COL2A1: variants seen among roughly 807,000 people sequenced by gnomAD.
The protein encoded by COL2A1 is collagen alpha-1(II) chain.
In COL2A1, 28 loss-of-function variants were observed where a neutral mutation model predicts 204.5. The ratio of observed to expected loss-of-function variants is 0.14; its 90% CI spans 0.10 to 0.19. The LOEUF is 0.19. Ranked by LOEUF, COL2A1 falls within the 10% of genes least tolerant of loss-of-function variation. The pLI is 1.00. For missense variants in COL2A1, 1,388 were observed against 2,027.5 expected (o/e 0.68, Z 6.06); for synonymous variants, 708 against 718.7 (o/e 0.99, Z 0.24).
intron 40 of COL2A1, among the ~76,000 whole-genome samples, 199 bp from the exon 41 acceptor site, chr12:47,979,763 G>A (rs1231277446): frequency 2.0e-5 from 3 of 152,184 alleles, no homozygotes; most frequent in Admixed American, 6.5e-5. Flanking sequence ...CCCTGCCTCC[G>A]GTTTCCACAG....
At position 47,977,561 on chromosome 12, in the gene COL2A1, C is replaced by G. The variant is rs41272043; in HGVS notation, c.3165+39G>C. 9.2e-4 allele frequency: 1,488 copies of G among 1,613,062 alleles called. 12 individuals carry two copies. In the African/African-American group the frequency reaches 0.017, roughly 19 times the overall value. On this transcript the variant is annotated intron_variant, in intron 45 of 53. Transcript: ENST00000380518. ...GACCTGTCAGGCCCGAGGCAATGTC[C>G]TCCCCAACCCACTGCACACACAGAC... is the stretch of plus-strand genomic sequence containing the variant.
intron 12 of COL2A1, 43 bp downstream of exon 12, chr12:47,994,381 G>A (rs1399397126): frequency 6.2e-7 from 1 of 1,610,140 alleles, no homozygotes; most frequent in Non-Finnish European, 8.5e-7. Context: ...CAGGGAGGGA[G>A]ACGCTAGGAA....
In COL2A1 at chr12:47,986,265, G is replaced by A. The variant is rs572965699; in HGVS notation, c.1527+71C>T. ...AAGTCACGAGACTTGACCAGAACAC[G>A]GACCACAAGGACTCCACTTCCCTCT... On this transcript the variant is annotated intron_variant, in intron 23 of 53. Transcript: ENST00000380518. 88 of 1,038,206 alleles carry A rather than the reference G, an allele frequency of 8.5e-5. 1 individual carries two copies. Among genetic ancestry groups the A allele is most frequent in the South Asian group, 7.4e-4 (55 of 73,964 alleles). 64.3% of individuals were successfully genotyped at this position (1,038,206 alleles called of 1,614,324 possible).
chr12:47,981,881 C>T lies in COL2A1; in HGVS notation c.2356-52G>A, dbSNP rs369418329. 1,347 of 1,539,858 alleles carry T rather than the reference C, an allele frequency of 8.7e-4. 2 individuals carry two copies. The highest frequency in any genetic ancestry group is 1.0e-3 in the Non-Finnish European group (1,131 of 1,134,834). On this transcript the variant is annotated intron_variant, in intron 35 of 53. Transcript: ENST00000380518. ...GGAGGCAGGCTGAGCCAGCCGAGCA[C>T]GTGCGGCCCGGCACCAAGCCAACCT...
At position 47,975,317 on chromosome 12, in the gene COL2A1, C is replaced by G. The variant is rs546672421; in HGVS notation, c.3886G>C (p.Gly1296Arg). Reference protein sequence around the residue: ...LKLCHPEWKSGDYWIDPNQGC... With the variant: ...LKLCHPEWKSRDYWIDPNQGC... Reference sequence around the variant, plus strand: ...AGGGGATCCTGTTCTCCAAGCTTACCACTCTTCCACTCAGGGTGGCAGAGT... The same window carrying G: ...AGGGGATCCTGTTCTCCAAGCTTACGACTCTTCCACTCAGGGTGGCAGAGT... The change falls in exon 51 of 54, where the codon GGA (glycine) becomes CGA (arginine). Residue 1296 changes from glycine to arginine, a missense_variant and splice_region_variant. Coordinates refer to ENST00000380518, the MANE Select transcript of COL2A1 (RefSeq NM_001844.5). 4.1e-5 allele frequency: 66 copies of G among 1,613,732 alleles called. 1 individual carries two copies. In the South Asian group the frequency reaches 7.2e-4, roughly 18 times the overall value.
At chr12:47,984,878 G>C (rs370717299) in intron 27 of COL2A1, 117 bp downstream of exon 27, 9 of 897,580 alleles carry the variant, frequency 1.0e-5, no homozygotes, top group Admixed American at 1.0e-4. Context: ...TGGCACAGGA[G>C]CCCCACTCAT....
intron 35 of COL2A1, 134 bp downstream of exon 35, chr12:47,981,973 C>T (rs963989731): frequency 7.9e-7 from 1 of 1,270,748 alleles, no homozygotes; most frequent in African/African-American, 1.5e-5. Flanking sequence ...CAGAGAAGTC[C>T]CTGCAGTTGC....
intron 3 of COL2A1, 35 bp from the exon 4 acceptor site, chr12:47,998,236 T>A (rs1203478710): frequency 6.2e-6 from 10 of 1,613,762 alleles, no homozygotes; most frequent in Non-Finnish European, 6.8e-6. Context: ...TTAAGCCGAG[T>A]AAGCCCACTA....
Position 47,974,788 on chromosome 12 carries a change from C to T in COL2A1, c.3961G>A (p.Glu1321Lys), listed in dbSNP as rs748248022. 5.0e-6 allele frequency: 8 copies of T among 1,614,060 alleles called. No individual in the cohort carries two copies. The highest frequency in any genetic ancestry group is 4.0e-5 in the African/African-American group (3 of 74,930). The change falls in exon 52 of 54, where the codon GAG (glutamate) becomes AAG (lysine). Residue 1321 changes from glutamate (E) to lysine (K), a missense_variant. By Grantham distance (56) the Glu-to-Lys change is moderately conservative (BLOSUM62 1). Around this residue, in one of 3 missense-constraint regions of COL2A1, gnomAD observed 303 missense variants for 369.2 expected, o/e 0.82. Transcript: ENST00000380518. ...GCTGGATTGGGGTAGACGCAAGTCT[C>T]GCCAGTCTCCATGTTGCAGAAAACC... ...MKVFCNMETG[E>K]TCVYPNPANV...
In COL2A1 at chr12:47,974,802, T is replaced by C; in HGVS notation, c.3947A>G (p.Asn1316Ser). 2.5e-6 allele frequency: 4 copies of C among 1,614,230 alleles called. No homozygotes were observed. Among genetic ancestry groups the C allele is most frequent in the Non-Finnish European group, 3.4e-6 (4 of 1,180,038 alleles). The change falls in exon 52 of 54, where the codon AAC becomes AGC. Residue 1316 changes from asparagine to serine, a missense_variant. Physicochemically the swap from Asn to Ser is conservative, Grantham distance 46 (BLOSUM62 1). Coordinates refer to ENST00000380518, the MANE Select transcript of COL2A1 (RefSeq NM_001844.5). ...CTLDAMKVFC[N>S]METGETCVYP... is the part of the protein sequence containing the mutation. ...GACGCAAGTCTCGCCAGTCTCCATG[T>C]TGCAGAAAACCTTCATGGCGTCCAA... is the stretch of plus-strand genomic sequence containing the variant.
chr12:47,980,934 G>A lies in COL2A1; in HGVS notation c.2498C>T (p.Ala833Val), dbSNP rs1375464902. The change falls in exon 38 of 54, where the codon GCG becomes GTG. Residue 833 changes from alanine to valine, a missense_variant. Around this residue, in one of 3 missense-constraint regions of COL2A1, gnomAD observed 884 missense variants for 1,415.8 expected, o/e 0.62. Coordinates refer to ENST00000380518, the MANE Select transcript of COL2A1 (RefSeq NM_001844.5). The surrounding 1 kb of genome is among the most constrained non-coding windows in gnomAD (Gnocchi z 4.5). ...ACTCACAGGAGGCCCAGCAAATCCC[G>A]CTGGTCCGGGGGGCCCAGTCTCTCC... is the stretch of plus-strand genomic sequence containing the variant. ...ERGETGPPGP[A>V]GFAGPPGADG... 2.4e-5 allele frequency: 38 copies of A among 1,552,440 alleles called. No homozygotes were observed. Among genetic ancestry groups the A allele is most frequent in the Non-Finnish European group, 2.8e-5 (32 of 1,147,670 alleles).
chr12:47,984,042 G>C, intron 29 of COL2A1, 45 bp downstream of exon 29: 1 of 1,558,958 alleles, frequency 6.4e-7, no homozygotes. Context: ...ACCCCTCCCA[G>C]CCCCTGCCCC....
At position 47,980,454 on chromosome 12, in the gene COL2A1, G is replaced by T; in HGVS notation, c.2625+100C>A. On this transcript the variant is annotated intron_variant, in intron 39 of 53. Transcript: ENST00000380518. The surrounding 1 kb of genome is among the most constrained non-coding windows in gnomAD (Gnocchi z 4.5). The stretch of plus-strand genomic sequence containing the variant: ...TCTACCAACATGGGGGTGTTCCCAG[G>T]CCTGCGAACCATCCTCTGCGCAGCC... The T allele has an allele frequency of 1.8e-6, 2 of 1,088,900 alleles. No individual in the cohort carries two copies. Among genetic ancestry groups the T allele is most frequent in the Non-Finnish European group, 2.8e-6 (2 of 726,204 alleles). 67.5% of individuals were successfully genotyped at this position (1,088,900 alleles called of 1,614,324 possible). A position where few individuals can be genotyped will look rare whatever the true frequency, so the allele number is the denominator to read the frequency against.
At chr12:47,995,651 C>T in intron 10 of COL2A1, 59 bp downstream of exon 10, 1 of 1,521,208 alleles carries the variant, frequency 6.6e-7, no homozygotes, top group Non-Finnish European at 9.1e-7. Context: ...AGCTGCGGTC[C>T]TAGTGGTCTA....
chr12:47,982,944 AC>A lies in COL2A1; in HGVS notation c.2096del (p.Gly699ValfsTer89). On this transcript the variant is annotated frameshift_variant and splice_region_variant, in exon 33 of 54. Coordinates refer to ENST00000380518, the MANE Select transcript of COL2A1 (RefSeq NM_001844.5). LOFTEE classifies it high-confidence loss of function. ...AGAPGLVGPR[G>X]ERGFPGERGS... ...CACGTTCACCTGGGAAACCTCGTTC[AC>A]CCTGCGGCAGAGACACCAAGAAGTG... is the stretch of plus-strand genomic sequence containing the variant. 6.2e-7 allele frequency: 1 copy of A among 1,613,592 alleles called. No homozygotes were observed. The highest frequency in any genetic ancestry group is 8.5e-7 in the Non-Finnish European group (1 of 1,179,928).
intron 22 of COL2A1, 98 bp downstream of exon 22, chr12:47,986,737 A>C (rs377413242): frequency 7.3e-7 from 1 of 1,372,940 alleles, no homozygotes; most frequent in East Asian, 2.3e-5. Context: ...ATTGGGGGAT[A>C]GAGCCCTGGA....
intron 30 of COL2A1, 44 bp from the exon 31 acceptor site, chr12:47,983,482 T>G (rs1939207987): frequency 6.3e-7 from 1 of 1,599,516 alleles, no homozygotes; most frequent in Admixed American, 1.7e-5. Flanking sequence ...GTGAGTTTGC[T>G]GCCCTGGCCC....
intron 1 of COL2A1, 65 bp downstream of exon 1, chr12:48,004,172 G>A (rs968397700): frequency 8.9e-6 from 11 of 1,242,198 alleles, no homozygotes; most frequent in African/African-American, 1.5e-5. Flanking sequence ...GGAGCGGGCC[G>A]GGGAGAAGGA....
Position 47,996,623 on chromosome 12 carries a change from G to T in COL2A1, c.534C>A (p.Asn178Lys). The change falls in exon 8 of 54, where the codon AAC becomes AAA. Residue 178 changes from asparagine (N) to lysine (K), a missense_variant and splice_region_variant. Physicochemically the swap from Asn to Lys is moderately conservative, Grantham distance 94. Transcript: ENST00000380518. ...ATCCTCCAGCCATCTGGGCAGCAAAGTTCTGCAAAGAAACCCAACAACGTT... is the reference window on the plus strand; with the variant it reads ...ATCCTCCAGCCATCTGGGCAGCAAATTTCTGCAAAGAAACCCAACAACGTT... ...GPPGPPGLGG[N>K]FAAQMAGGFD... 1.2e-6 allele frequency: 2 copies of T among 1,614,158 alleles called. No homozygotes were observed. Among genetic ancestry groups the T allele is most frequent in the Non-Finnish European group, 1.7e-6 (2 of 1,180,014 alleles).
Sources: gnomAD v4.1 joint callset for allele counts (sites outside exome capture counted in the v4.1 genomes callset) on GRCh38, gnomAD v4.1.1 for gene constraint, gnomAD v4.1.1 regional missense constraint, Gnocchi (gnomAD v3.1) non-coding constraint, MANE v1.5 for transcripts, NCBI Gene and HGNC (gene_info 2026-07-23, HGNC 2026-07-21) for gene names.